The following ERC1 variants were observed in gnomAD, a reference collection of about 807,000 sequenced individuals.
ERC1 encodes RAB6 interacting protein 2.
ERC1 carries 56 observed loss-of-function variants against 132.0 expected under a neutral mutation model. That is an observed-to-expected ratio of 0.42 (90% CI 0.34 to 0.53). The LOEUF (loss-of-function observed/expected upper bound fraction) is 0.53. ERC1 is among the 20% of genes least tolerant of loss of function. ERC1 has a pLI of 0.03. For missense variants in ERC1, 1,202 were observed against 1,349.9 expected, an observed-to-expected ratio of 0.89 and a Z score of 1.72; for synonymous variants, 478 against 476.1, an observed-to-expected ratio of 1.00 and a Z score of -0.05.
intron 18 of ERC1, among the ~76,000 whole-genome samples, chr12:1,481,255 T>C (rs2094086038): frequency 6.8e-6 from 1 of 146,324 alleles, no homozygotes; most frequent in Admixed American, 6.6e-5. Context: ...AAGGAGGTTG[T>C]GAATAATCCA....
At chr12:1,221,996 G>A (rs1959032328) in intron 12 of ERC1, among the ~76,000 whole-genome samples, 1 of 152,124 alleles carries the variant, frequency 6.6e-6, no homozygotes, top group Admixed American at 6.6e-5. Flanking sequence ...TGCACAGCCA[G>A]GCTGTAAGGT....
chr12:1,485,205 T>TTC (rs1565533441), intron 18 of ERC1, among the ~76,000 whole-genome samples: 3 of 137,004 alleles, frequency 2.2e-5, no homozygotes, highest in African/African-American at 8.4e-5. Flanking sequence ...ATATTTCTTT[T>TTC]TTTTTTTTTT....
chr12:1,040,467 C>T (rs1970012555), intron 2 of ERC1, among the ~76,000 whole-genome samples: 1 of 151,756 alleles, frequency 6.6e-6, no homozygotes, highest in Non-Finnish European at 1.5e-5. Flanking sequence ...CCACCATGCC[C>T]GGCTAATTTT....
chr12:1,257,441 A>G (rs1303087472), intron 13 of ERC1, among the ~76,000 whole-genome samples: 1 of 152,184 alleles, frequency 6.6e-6, no homozygotes, highest in African/African-American at 2.4e-5. Context: ...GATTACAGAT[A>G]TTTTATATTT....
chr12:1,476,478 G>C (rs1379320847), intron 18 of ERC1, among the ~76,000 whole-genome samples: 1 of 152,138 alleles, frequency 6.6e-6, no homozygotes, highest in Non-Finnish European at 1.5e-5. Context: ...TCTGGAAAGA[G>C]CATTAATAGG....
intron 8 of ERC1, among the ~76,000 whole-genome samples, chr12:1,180,281 G>T (rs946464451): frequency 3.5e-5 from 5 of 141,728 alleles, no homozygotes; most frequent in Admixed American, 2.0e-4. Flanking sequence ...GTGTGTGTGT[G>T]TGCGCGCACG....
chr12:1,233,756 A>G (rs1366640267), intron 12 of ERC1, among the ~76,000 whole-genome samples: 1 of 152,194 alleles, frequency 6.6e-6, no homozygotes, highest in Non-Finnish European at 1.5e-5. Context: ...AATCACTGGC[A>G]TTCAAAAAGG....
intron 11 of ERC1, among the ~76,000 whole-genome samples, chr12:1,189,391 G>C (rs1955477427): frequency 6.6e-6 from 1 of 152,226 alleles, no homozygotes; most frequent in African/African-American, 2.4e-5. Context: ...CCAAGGCCAT[G>C]TGAGTCACAC....
intron 15 of ERC1, among the ~76,000 whole-genome samples, chr12:1,332,664 C>T (rs1198418513): frequency 6.6e-6 from 1 of 151,850 alleles, no homozygotes; most frequent in Admixed American, 6.6e-5. Context: ...TGGAGGCACC[C>T]CCCAAATTTA....
chr12:1,232,155 C>CTTG (rs1263097028), intron 12 of ERC1, among the ~76,000 whole-genome samples: 1 of 152,130 alleles, frequency 6.6e-6, no homozygotes. Context: ...CACTGATTGC[C>CTTG]TTGGTGGTGG....
chr12:1,006,418 GAC>G (rs1963613679), intron 1 of ERC1, among the ~76,000 whole-genome samples: 1 of 151,826 alleles, frequency 6.6e-6, no homozygotes, highest in African/African-American at 2.4e-5. Flanking sequence ...TTGTTTTTGA[GAC>G]AGAGTGTTAC....
At chr12:1,162,540 G>A (rs1289952016) in intron 8 of ERC1, among the ~76,000 whole-genome samples, 1 of 151,340 alleles carries the variant, frequency 6.6e-6, no homozygotes, top group Non-Finnish European at 1.5e-5. Flanking sequence ...TTTGTTTTGG[G>A]TAGGAGGTCA....
chr12:1,333,119 T>C (rs80050554), intron 15 of ERC1, among the ~76,000 whole-genome samples: 9,338 of 145,618 alleles, frequency 0.064, 381 homozygotes, highest in East Asian at 0.13. Context: ...CCTCCTCCAT[T>C]AGGCGCCAGT....
At chr12:1,196,212 T>C (rs1432143290) in intron 12 of ERC1, among the ~76,000 whole-genome samples, 2 of 152,110 alleles carry the variant, frequency 1.3e-5, no homozygotes, top group Non-Finnish European at 2.9e-5. Flanking sequence ...CTACTTTTCT[T>C]TTGTTGTAGT....
intron 12 of ERC1, among the ~76,000 whole-genome samples, chr12:1,211,929 T>C (rs1021111854): frequency 1.3e-5 from 2 of 152,168 alleles, no homozygotes; most frequent in African/African-American, 4.8e-5. Flanking sequence ...CTTTACCTTA[T>C]TTAAGGAGGT....
chr12:1,419,523 G>T (rs1275445235), intron 17 of ERC1, among the ~76,000 whole-genome samples: 1 of 134,030 alleles, frequency 7.5e-6, no homozygotes, highest in Non-Finnish European at 1.6e-5. Context: ...TTCTTGAGAA[G>T]AAAAAAAAAA....
chr12:1,065,326 G>A (rs1410724826), intron 2 of ERC1, among the ~76,000 whole-genome samples: 1 of 152,090 alleles, frequency 6.6e-6, no homozygotes, highest in African/African-American at 2.4e-5. Flanking sequence ...CAAAAGACCT[G>A]TCTTCAAGTT....
intron 16 of ERC1, among the ~76,000 whole-genome samples, chr12:1,395,523 C>T (rs1052048737): frequency 6.6e-6 from 1 of 151,822 alleles, no homozygotes; most frequent in African/African-American, 2.4e-5. Flanking sequence ...TTAAAGTCTG[C>T]ACAGCATATG....
intron 18 of ERC1, among the ~76,000 whole-genome samples, chr12:1,466,845 C>T (rs945671095): frequency 5.3e-5 from 8 of 152,218 alleles, no homozygotes; most frequent in Non-Finnish European, 8.8e-5. Context: ...AGGAATTTTC[C>T]GGAGATAAGA....
Sources: allele counts gnomAD v4.1 joint callset (sites outside exome capture counted in the v4.1 genomes callset), GRCh38; gene constraint gnomAD v4.1.1; transcripts MANE v1.5; gene names NCBI Gene and HGNC (gene_info 2026-07-23, HGNC 2026-07-21).